The following DCX variants were observed in gnomAD, a reference collection of about 807,000 sequenced individuals.
The protein encoded by DCX is doublecortin, also known as neuronal migration protein doublecortin.
DCX carries 4 observed loss-of-function variants against 20.9 expected under a neutral mutation model. That is an observed-to-expected ratio of 0.19 (90% CI 0.09 to 0.44). The LOEUF is 0.44. Ranked by LOEUF, DCX falls within the 20% of genes least tolerant of loss-of-function variation. The pLI, the probability that DCX is intolerant of heterozygous loss-of-function variation, is 0.99. For synonymous variants in DCX, 103 were observed against 111.4 expected, an observed-to-expected ratio of 0.92 and a Z score of 0.47; for missense variants, 133 against 296.9, an observed-to-expected ratio of 0.45 and a Z score of 4.06.
At chrX:111,346,228 C>G (rs1443197097) in intron 3 of DCX, among the ~76,000 whole-genome samples, 2 of 111,504 alleles carry the variant, frequency 1.8e-5, no homozygotes, top group Non-Finnish European at 3.8e-5. Flanking sequence ...TGTGCAGAAG[C>G]TCTTTAGTTT....
chrX:111,301,253 C>T lies in DCX; in HGVS notation c.*434G>A, dbSNP rs1344033735. 1.3e-5 allele frequency: 2 copies of T among 149,378 alleles called. No individual in the cohort carries two copies. The highest frequency in any genetic ancestry group is 3.1e-4 in the East Asian group (2 of 6,437). 12.3% of individuals were successfully genotyped at this position (149,378 alleles called of 1,213,427 possible). A position where few individuals can be genotyped will look rare whatever the true frequency, so the allele number is the denominator to read the frequency against. Reference sequence around the variant, plus strand: ...ATTCTTGAGATCCAGAGAAAAGGGGCACTTGTGTTTGTCATTCTTGGATCT... The same window carrying T: ...ATTCTTGAGATCCAGAGAAAAGGGGTACTTGTGTTTGTCATTCTTGGATCT... On this transcript the variant is annotated 3_prime_UTR_variant, in exon 7 of 7. Transcript: ENST00000636035.
chrX:111,338,696 CT>C (rs200133621), intron 3 of DCX, among the ~76,000 whole-genome samples: 945 of 94,066 alleles, frequency 0.01, 5 homozygotes, highest in Non-Finnish European at 0.011. Context: ...TCTGTAGTGC[CT>C]TTTTTTTTTT....
At chrX:111,381,074 AT>A (rs1249319910) in intron 3 of DCX, among the ~76,000 whole-genome samples, 2 of 110,096 alleles carry the variant, frequency 1.8e-5, no homozygotes, top group African/African-American at 6.6e-5. Flanking sequence ...TACCATCAAC[AT>A]TTTGTTTCTT....
intron 3 of DCX, among the ~76,000 whole-genome samples, chrX:111,368,978 C>T (rs1277794565): frequency 9.2e-6 from 1 of 109,140 alleles, no homozygotes; most frequent in Non-Finnish European, 1.9e-5. Context: ...CAAGGTTCCA[C>T]AATAGGCTGT....
intron 3 of DCX, among the ~76,000 whole-genome samples, chrX:111,379,858 C>A (rs1265951797): frequency 9.0e-6 from 1 of 110,865 alleles, no homozygotes; most frequent in East Asian, 2.8e-4. Context: ...ACTTCCTTGC[C>A]AATGCTTATT....
intron 3 of DCX, among the ~76,000 whole-genome samples, chrX:111,385,832 GGAAGGA>G (rs1926453823): frequency 5.0e-5 from 5 of 100,672 alleles, no homozygotes; most frequent in Non-Finnish European, 8.0e-5. Flanking sequence ...AAGGAAGGAA[GGAAGGA>G]AGGAAGGGAA....
rs1024690942 is a variant in DCX, at chrX:111,295,967, A to G, written c.*5720T>C. On this transcript the variant is annotated 3_prime_UTR_variant, in exon 7 of 7. Coordinates refer to ENST00000636035, the MANE Select transcript of DCX (RefSeq NM_001195553.2). ...TGATTGAATCTGGAAATAATTTATC[A>G]TCAGTCCCAAGGCAAAATCACAGGC... is the stretch of plus-strand genomic sequence containing the variant. The G allele has an allele frequency of 3.6e-5, 4 of 111,755 alleles. No homozygotes were observed. Among genetic ancestry groups the G allele is most frequent in the African/African-American group, 1.3e-4 (4 of 30,687 alleles). 9.2% of individuals were successfully genotyped at this position (111,755 alleles called of 1,213,427 possible).
chrX:111,370,723 G>A (rs992219820), intron 3 of DCX, among the ~76,000 whole-genome samples: 3 of 110,067 alleles, frequency 2.7e-5, no homozygotes, highest in African/African-American at 9.9e-5. Context: ...GCAAAATTGG[G>A]CTTACCCTAG....
intron 5 of DCX, among the ~76,000 whole-genome samples, chrX:111,327,512 G>A (rs897357480): frequency 1.2e-4 from 13 of 112,056 alleles, no homozygotes; most frequent in Non-Finnish European, 2.1e-4. Context: ...TGTTTCTGTG[G>A]GAGCTATTTT....
At chrX:111,312,230 T>C (rs191730039) in intron 6 of DCX, among the ~76,000 whole-genome samples, 4 of 111,941 alleles carry the variant, frequency 3.6e-5, no homozygotes, top group Admixed American at 2.8e-4. Flanking sequence ...AGTAAGTAAC[T>C]CAGTGCAACT....
chrX:111,408,691 A>AAGG (rs1569498229), intron 2 of DCX, among the ~76,000 whole-genome samples: 45 of 103,303 alleles, frequency 4.4e-4, no homozygotes, highest in African/African-American at 1.5e-3. Flanking sequence ...AGAAAGAAAG[A>AAGG]AAGGAAGGAA....
chrX:111,374,737 A>G (rs1925391749), intron 3 of DCX, among the ~76,000 whole-genome samples: 1 of 110,163 alleles, frequency 9.1e-6, no homozygotes, highest in South Asian at 3.9e-4. Flanking sequence ...ACATGGATTC[A>G]GTTCCCACAG....
At chrX:111,391,853 G>A (rs1403905594) in intron 3 of DCX, among the ~76,000 whole-genome samples, 2 of 111,601 alleles carry the variant, frequency 1.8e-5, no homozygotes, top group African/African-American at 3.3e-5. Context: ...ATGTGGTATC[G>A]ATTATAAAAG....
intron 3 of DCX, among the ~76,000 whole-genome samples, chrX:111,368,720 T>G (rs1403321066): frequency 9.0e-6 from 1 of 111,138 alleles, no homozygotes; most frequent in Non-Finnish European, 1.9e-5. Flanking sequence ...CATTCTTTCT[T>G]ACTTTCCAGG....
At chrX:111,397,899 G>A (rs991800715) in intron 3 of DCX, among the ~76,000 whole-genome samples, 30 of 110,477 alleles carry the variant, frequency 2.7e-4, no homozygotes, top group Non-Finnish European at 5.1e-4. Context: ...GGTTAAGTAG[G>A]ATTGGGATGG....
At chrX:111,361,569 A>G (rs777295595) in intron 3 of DCX, among the ~76,000 whole-genome samples, 9 of 112,389 alleles carry the variant, frequency 8.0e-5, no homozygotes, top group African/African-American at 2.6e-4. Context: ...TTATTTCAAT[A>G]TTAGGTCTAT....
At chrX:111,408,261 G>A (rs771074416) in intron 2 of DCX, among the ~76,000 whole-genome samples, 1 of 111,493 alleles carries the variant, frequency 9.0e-6, no homozygotes, top group East Asian at 2.8e-4. Context: ...ATTAACCACT[G>A]CCTGTCCATT....
chrX:111,348,732 A>G (rs144148156), intron 3 of DCX, among the ~76,000 whole-genome samples: 1,858 of 110,752 alleles, frequency 0.017, 43 homozygotes, highest in African/African-American at 0.058. Flanking sequence ...AGTAAGGTCA[A>G]TTAAAATAAG....
At chrX:111,346,040 T>C (rs1402428279) in intron 3 of DCX, among the ~76,000 whole-genome samples, 1 of 111,174 alleles carries the variant, frequency 9.0e-6, no homozygotes, top group Admixed American at 9.5e-5. Context: ...CATAATGTCT[T>C]ATTTTGAGAA....
Sources: gnomAD v4.1 joint callset for allele counts (sites outside exome capture counted in the v4.1 genomes callset) on GRCh38, gnomAD v4.1.1 for gene constraint, MANE v1.5 for transcripts, NCBI Gene and HGNC (gene_info 2026-07-23, HGNC 2026-07-21) for gene names.